The following STARD8 variants were observed in gnomAD, a reference collection of about 807,000 sequenced individuals.
The protein encoded by STARD8 is stAR-related lipid transfer protein 8.
A neutral mutation model predicts 69.4 loss-of-function variants in STARD8; 25 were observed. The observed-to-expected ratio is 0.36, with a 90% confidence interval of 0.26 to 0.50. STARD8 has a LOEUF of 0.50. Among genes scored for constraint, STARD8 ranks in the 20% least tolerant of loss-of-function variants. STARD8 has a pLI of 0.96. For missense variants in STARD8, 921 were observed against 932.5 expected (o/e 0.99, Z 0.16); for synonymous variants, 389 against 374.6 (o/e 1.04, Z -0.45).
At chrX:68,698,221 G>A (rs2079937390) in intron 2 of STARD8, among the ~76,000 whole-genome samples, 1 of 111,573 alleles carries the variant, frequency 9.0e-6, no homozygotes, top group Non-Finnish European at 1.9e-5. Context: ...GGATGGTATT[G>A]AGAAGGGGAG....
chrX:68,719,041 C>A (rs887709434), intron 6 of STARD8, among the ~76,000 whole-genome samples, 184 bp from the exon 7 acceptor site: 6 of 110,988 alleles, frequency 5.4e-5, no homozygotes, highest in Non-Finnish European at 7.6e-5. Flanking sequence ...AACTTCTTGG[C>A]CCCTAAGAAG....
At chrX:68,722,374 G>T in intron 11 of STARD8, 48 bp from the exon 12 acceptor site, 3 of 1,109,577 alleles carry the variant, frequency 2.7e-6, no homozygotes, top group Non-Finnish European at 3.6e-6. Context: ...ACCCCATGGG[G>T]TCTCCTGCTC....
intron 2 of STARD8, among the ~76,000 whole-genome samples, chrX:68,666,984 A>G (rs1356307236): frequency 8.9e-6 from 1 of 111,997 alleles, no homozygotes; most frequent in African/African-American, 3.3e-5. Flanking sequence ...CTTCTTTAGA[A>G]TATCTGTGCC....
intron 2 of STARD8, among the ~76,000 whole-genome samples, chrX:68,672,810 C>G (rs1223112398): frequency 9.0e-6 from 1 of 111,152 alleles, no homozygotes; most frequent in African/African-American, 3.3e-5. Context: ...TTCCACATCC[C>G]AAGCCCAGAA....
chrX:68,669,697 C>G (rs767496007), intron 2 of STARD8, among the ~76,000 whole-genome samples: 44 of 112,513 alleles, frequency 3.9e-4, no homozygotes, highest in African/African-American at 1.4e-3. Context: ...TCCAGTCTGG[C>G]TGCAGGCTTG....
rs762679306 is a variant in STARD8, at chrX:68,723,800, G to A, written c.2974G>A (p.Asp992Asn). The A allele has an allele frequency of 3.3e-5, 39 of 1,183,122 alleles. No homozygotes were observed. Among genetic ancestry groups the A allele is most frequent in the South Asian group, 1.1e-4 (6 of 53,939 alleles). ...PGVELYHYVT[D>N]SMAPHPCRDF... is the part of the protein sequence containing the mutation. ...TGTGGAGCTGTACCACTATGTCACCGACAGCATGGCACCCCATCCCTGCCG... is the reference window on the plus strand; with the variant it reads ...TGTGGAGCTGTACCACTATGTCACCAACAGCATGGCACCCCATCCCTGCCG... The change falls in exon 13 of 15, where the codon GAC becomes AAC. Residue 992 changes from aspartate to asparagine, a missense_variant. Transcript: ENST00000374599.
intron 2 of STARD8, among the ~76,000 whole-genome samples, chrX:68,689,602 C>G (rs762688745): frequency 8.9e-6 from 1 of 112,666 alleles, no homozygotes. Flanking sequence ...ACCTGTATGT[C>G]TGAGCTTAGG....
intron 2 of STARD8, among the ~76,000 whole-genome samples, chrX:68,681,762 G>A (rs1230773343): frequency 1.2e-4 from 13 of 111,737 alleles, no homozygotes; most frequent in African/African-American, 2.9e-4. Context: ...TGGCTTTGTG[G>A]TCAGGGTGCC....
intron 1 of STARD8, among the ~76,000 whole-genome samples, chrX:68,664,030 G>A (rs1485698859): frequency 1.8e-5 from 2 of 111,395 alleles, no homozygotes; most frequent in African/African-American, 6.5e-5. Context: ...AATCTTTTAG[G>A]ATTAGGAAGC....
intron 2 of STARD8, among the ~76,000 whole-genome samples, chrX:68,667,396 T>C (rs1457950773): frequency 8.9e-6 from 1 of 111,989 alleles, no homozygotes; most frequent in African/African-American, 3.2e-5. Context: ...TGGATCACAA[T>C]AGACAGCGCA....
intron 2 of STARD8, among the ~76,000 whole-genome samples, chrX:68,697,678 C>T (rs2079931661): frequency 8.9e-6 from 1 of 112,331 alleles, no homozygotes; most frequent in South Asian, 3.7e-4. Context: ...CTTGGAGCTT[C>T]CTCTCTCATT....
chrX:68,656,671 T>G (rs1025391773), intron 1 of STARD8: 3 of 111,773 alleles, frequency 2.7e-5, no homozygotes, highest in Non-Finnish European at 5.6e-5. Flanking sequence ...TGGAATACTA[T>G]GCAGCCATAA....
Position 68,721,084 on chromosome X carries a change from C to T in STARD8, c.2210C>T (p.Thr737Ile). ...YFRDLPEPIF[T>I]SKLTTTFLQI... The stretch of plus-strand genomic sequence containing the variant: ...CGGGACCTGCCTGAGCCCATCTTCA[C>T]CAGCAAGCTCACCACCACTTTCCTC... The change falls in exon 9 of 15, where the codon ACC becomes ATC. Residue 737 changes from threonine (T) to isoleucine (I), a missense_variant. Physicochemically the swap from Thr to Ile is moderately conservative, Grantham distance 89. Transcript: ENST00000374599. The T allele has an allele frequency of 8.3e-7, 1 of 1,212,061 alleles. No individual in the cohort carries two copies. Among genetic ancestry groups the T allele is most frequent in the Non-Finnish European group, 1.1e-6 (1 of 895,631 alleles).
intron 1 of STARD8, among the ~76,000 whole-genome samples, chrX:68,662,811 G>A (rs1432636476): frequency 1.8e-5 from 2 of 111,728 alleles, no homozygotes; most frequent in Admixed American, 1.9e-4. Flanking sequence ...GTTCCACAAG[G>A]CTTTATACTT....
chrX:68,659,156 T>C (rs1050176664), intron 1 of STARD8, among the ~76,000 whole-genome samples: 3 of 112,292 alleles, frequency 2.7e-5, no homozygotes, highest in East Asian at 5.6e-4. Flanking sequence ...CACTTCATAA[T>C]TGATTGTGAT....
At chrX:68,700,659 G>GTGAGC (rs1380900706) in intron 2 of STARD8, among the ~76,000 whole-genome samples, 5 of 112,575 alleles carry the variant, frequency 4.4e-5, no homozygotes, top group African/African-American at 1.3e-4. Context: ...GGCAGAGGCA[G>GTGAGC]TGAGCTTGTG....
At chrX:68,681,694 A>C (rs1428421076) in intron 2 of STARD8, among the ~76,000 whole-genome samples, 1 of 112,164 alleles carries the variant, frequency 8.9e-6, no homozygotes, top group Non-Finnish European at 1.9e-5. Context: ...TCAGTTCTCC[A>C]CAGCAGACTC....
intron 2 of STARD8, among the ~76,000 whole-genome samples, chrX:68,672,722 C>CG (rs1337559459): frequency 9.1e-6 from 1 of 110,359 alleles, no homozygotes; most frequent in African/African-American, 3.4e-5. Flanking sequence ...CGCCCCACCC[C>CG]CCATGGCAGG....
intron 2 of STARD8, among the ~76,000 whole-genome samples, chrX:68,676,026 C>T (rs73529851): frequency 1.8e-5 from 2 of 112,004 alleles, no homozygotes; most frequent in Non-Finnish European, 3.8e-5. Flanking sequence ...CCTTTGAGCT[C>T]CTACACGCTG....
Sources: allele counts gnomAD v4.1 joint callset (sites outside exome capture counted in the v4.1 genomes callset), GRCh38; gene constraint gnomAD v4.1.1; transcripts MANE v1.5; gene names NCBI Gene and HGNC (gene_info 2026-07-23, HGNC 2026-07-21).